Variants in GRM3 observed in about 807,000 individuals in gnomAD.
GRM3 encodes the protein glutamate metabotropic receptor 3, also known as metabotropic glutamate receptor 3.
In GRM3, 26 loss-of-function variants were observed where a neutral mutation model predicts 70.5. That is an observed-to-expected ratio of 0.37 (90% confidence interval 0.27 to 0.51). The LOEUF (loss-of-function observed/expected upper bound fraction) is 0.51, where lower values mean the gene tolerates loss of function less well. GRM3 is among the 20% of genes least tolerant of loss of function. The pLI, the probability that GRM3 is intolerant of heterozygous loss-of-function variation, is 0.93. For synonymous variants in GRM3, 443 were observed against 434.9 expected, an observed-to-expected ratio of 1.02 and a Z score of -0.23; for missense variants, 859 against 1,123.8, an observed-to-expected ratio of 0.76 and a Z score of 3.37.
intron 1 of GRM3, among the ~76,000 whole-genome samples, chr7:86,753,880 C>G (rs545056369): frequency 6.6e-6 from 1 of 152,216 alleles, no homozygotes; most frequent in East Asian, 1.9e-4. Flanking sequence ...GATGTAAGCG[C>G]TCTCACCACG....
chr7:86,721,224 G>T (rs1304127386), intron 1 of GRM3, among the ~76,000 whole-genome samples: 1 of 152,094 alleles, frequency 6.6e-6, no homozygotes, highest in Admixed American at 6.6e-5. Flanking sequence ...AAAAGGGGTT[G>T]TACAGGAGCA....
chr7:86,683,101 T>C (rs984773766), intron 1 of GRM3, among the ~76,000 whole-genome samples: 1 of 152,168 alleles, frequency 6.6e-6, no homozygotes, highest in Non-Finnish European at 1.5e-5. Context: ...TGAGGTGATC[T>C]AGATGAGCCA....
intron 1 of GRM3, among the ~76,000 whole-genome samples, chr7:86,741,767 G>T (rs1045524874): frequency 6.6e-6 from 1 of 152,122 alleles, no homozygotes; most frequent in African/African-American, 2.4e-5. Flanking sequence ...GGAATAGTTT[G>T]CAAATTGCTG....
chr7:86,847,129 T>C (rs1798670156), intron 4 of GRM3, among the ~76,000 whole-genome samples: 1 of 152,184 alleles, frequency 6.6e-6, no homozygotes, highest in Admixed American at 6.5e-5. Flanking sequence ...TTATAATGAA[T>C]AGTATGCTGC....
At chr7:86,722,130 C>T (rs920820531) in intron 1 of GRM3, among the ~76,000 whole-genome samples, 3 of 152,052 alleles carry the variant, frequency 2.0e-5, no homozygotes, top group African/African-American at 4.8e-5. Context: ...CTGAAAAGTA[C>T]AGATTCCCAG....
intron 1 of GRM3, among the ~76,000 whole-genome samples, chr7:86,761,304 T>A (rs1796474838): frequency 6.6e-6 from 1 of 152,122 alleles, no homozygotes; most frequent in Non-Finnish European, 1.5e-5. Context: ...ACCAAAAACT[T>A]AAGCAGTAAA....
intron 1 of GRM3, among the ~76,000 whole-genome samples, chr7:86,717,919 T>C (rs924946389): frequency 1.4e-5 from 2 of 147,904 alleles, no homozygotes; most frequent in Non-Finnish European, 3.0e-5. Context: ...GTCAGTGACT[T>C]TAAGTAGAAA....
chr7:86,749,009 T>C (rs971229860), intron 1 of GRM3, among the ~76,000 whole-genome samples: 1 of 152,094 alleles, frequency 6.6e-6, no homozygotes, highest in African/African-American at 2.4e-5. Context: ...ACACCTTAGT[T>C]AGATATTTTA....
chr7:86,743,278 A>G (rs1444777327), intron 1 of GRM3, among the ~76,000 whole-genome samples: 1 of 152,132 alleles, frequency 6.6e-6, no homozygotes, highest in African/African-American at 2.4e-5. Context: ...TGCAATAAGG[A>G]CTTTTTGGGA....
intron 1 of GRM3, among the ~76,000 whole-genome samples, chr7:86,676,673 T>G (rs1367110615): frequency 1.3e-5 from 2 of 151,872 alleles, no homozygotes; most frequent in African/African-American, 4.8e-5. Flanking sequence ...TAAACATAAC[T>G]ACAGCAAATT....
intron 1 of GRM3, among the ~76,000 whole-genome samples, chr7:86,743,206 A>G (rs188733445): frequency 6.6e-6 from 1 of 152,298 alleles, no homozygotes; most frequent in African/African-American, 2.4e-5. Flanking sequence ...ATAGGTTTCA[A>G]TATCAGGTAT....
At chr7:86,694,526 A>G (rs1490510411) in intron 1 of GRM3, among the ~76,000 whole-genome samples, 2 of 141,542 alleles carry the variant, frequency 1.4e-5, no homozygotes, top group African/African-American at 5.7e-5. Context: ...AAAAAAAAAA[A>G]AAGAAAAGAA....
intron 1 of GRM3, among the ~76,000 whole-genome samples, chr7:86,700,030 T>G (rs1167618060): frequency 6.6e-6 from 1 of 151,974 alleles, no homozygotes; most frequent in African/African-American, 2.4e-5. Flanking sequence ...TTCGTGAATT[T>G]TCCACAGTCC....
At chr7:86,645,980 T>TGGGTGGGGAGGGGGGGGG (rs1562811178) in intron 1 of GRM3, among the ~76,000 whole-genome samples, 1 of 50,178 alleles carries the variant, frequency 2.0e-5, no homozygotes, top group African/African-American at 9.5e-5. Flanking sequence ...TTCTTTGTGG[T>TGGGTGGGGAGGGGGGGGG]GGGCGGGGGG....
At chr7:86,691,269 A>G (rs1048070551) in intron 1 of GRM3, among the ~76,000 whole-genome samples, 1 of 151,822 alleles carries the variant, frequency 6.6e-6, no homozygotes, top group Non-Finnish European at 1.5e-5. Flanking sequence ...CATCCTCCTC[A>G]TTTGTCTTCC....
At chr7:86,653,042 A>C (rs2115786111) in intron 1 of GRM3, among the ~76,000 whole-genome samples, 1 of 152,340 alleles carries the variant, frequency 6.6e-6, no homozygotes, top group African/African-American at 2.4e-5. Flanking sequence ...TAAACAACAA[A>C]CATTTATTTT....
chr7:86,737,302 C>T (rs1202568282), intron 1 of GRM3, among the ~76,000 whole-genome samples: 8 of 152,154 alleles, frequency 5.3e-5, no homozygotes, highest in Non-Finnish European at 1.2e-4. Flanking sequence ...TTCACAAATT[C>T]ACTTTGAGAG....
chr7:86,776,042 A>C (rs951764039), intron 2 of GRM3: 1 of 151,240 alleles, frequency 6.6e-6, no homozygotes, highest in Non-Finnish European at 1.5e-5. Flanking sequence ...GAAAAAAAAA[A>C]CAAAACTAGA....
chr7:86,729,590 G>T (rs1021427416), intron 1 of GRM3, among the ~76,000 whole-genome samples: 2 of 151,968 alleles, frequency 1.3e-5, no homozygotes, highest in African/African-American at 4.8e-5. Context: ...CTTATGTATT[G>T]GTTGTAATTT....
Sources: gnomAD v4.1 joint callset for allele counts (sites outside exome capture counted in the v4.1 genomes callset) on GRCh38, gnomAD v4.1.1 for gene constraint, MANE v1.5 for transcripts, NCBI Gene and HGNC (gene_info 2026-07-23, HGNC 2026-07-21) for gene names.